GRK4: variants seen among roughly 807,000 people sequenced by gnomAD.
GRK4 encodes G protein-coupled receptor kinase 4, also known as G protein-coupled receptor kinase 2-like.
In GRK4, 73 loss-of-function variants were observed where a neutral mutation model predicts 77.9. The observed-to-expected ratio is 0.94, with a 90% CI of 0.78 to 1.14. GRK4 has a LOEUF of 1.14. Ranked by LOEUF, GRK4 falls within the 50% of genes most tolerant of loss-of-function variation. The pLI, the probability that GRK4 is intolerant of heterozygous loss-of-function variation, is 0.00. For missense variants in GRK4, 729 were observed against 700.2 expected (o/e 1.04, Z -0.46); for synonymous variants, 257 against 254.4 (o/e 1.01, Z -0.10).
chr4:3,037,044 G>GGGGT (rs1553904179), intron 13 of GRK4, among the ~76,000 whole-genome samples: 77 of 144,372 alleles, frequency 5.3e-4, no homozygotes, highest in Non-Finnish European at 7.2e-4. Context: ...CCTCAGGAGG[G>GGGGT]GTGTGTGTGT....
At chr4:3,035,099 G>T (rs1447849838) in intron 12 of GRK4, among the ~76,000 whole-genome samples, 1 of 152,078 alleles carries the variant, frequency 6.6e-6, no homozygotes, top group African/African-American at 2.4e-5. Flanking sequence ...CAAAAAATTA[G>T]CTGGGCACGG....
rs1735560076 is a variant in GRK4 at position 3,019,766 on chromosome 4, CG to C, written c.868del (p.Val290PhefsTer24). 6.2e-7 allele frequency: 1 copy of C among 1,613,966 alleles called. No homozygotes were observed. Among genetic ancestry groups the C allele is most frequent in the Non-Finnish European group, 8.5e-7 (1 of 1,180,022 alleles). On this transcript the variant is annotated frameshift_variant, in exon 9 of 16. Coordinates refer to ENST00000398052, the MANE Select transcript of GRK4 (RefSeq NM_182982.3). LOFTEE classifies it high-confidence loss of function. ...ATCCCGGCTTTGATGAGCAGAGAGC[CG>C]TTTTCTATGCTGCAGAGCTGTGTTG... ...GNPGFDEQRA[V>X]FYAAELCCGL... is the part of the protein sequence containing the mutation.
chr4:2,988,837 G>A lies in GRK4; in HGVS notation c.259G>A (p.Val87Met), dbSNP rs990679341. The part of the protein sequence containing the change: ...LKRHIEFLDA[V>M]AEYEVADDED... Reference sequence around the variant, plus strand: ...GAGGCACATTGAATTCTTGGATGCAGTGGTGAGCAGTTTATCTCCATATTG... The same window carrying A: ...GAGGCACATTGAATTCTTGGATGCAATGGTGAGCAGTTTATCTCCATATTG... Residue 87 changes from valine (V) to methionine (M), a missense_variant and splice_region_variant, in exon 3 of 16, where the codon GTG (valine) becomes ATG (methionine). By Grantham distance (21) the Val-to-Met change is conservative (BLOSUM62 1). Transcript: ENST00000398052. The A allele has an allele frequency of 4.5e-6, 7 of 1,569,512 alleles. No homozygotes were observed. Among genetic ancestry groups the A allele is most frequent in the Admixed American group, 1.7e-5 (1 of 59,958 alleles).
At chr4:2,973,499 G>A (rs1200259987) in intron 1 of GRK4, among the ~76,000 whole-genome samples, 1 of 152,130 alleles carries the variant, frequency 6.6e-6, no homozygotes, top group Non-Finnish European at 1.5e-5. Flanking sequence ...ACGAGAAAGA[G>A]CCTGTACCAG....
chr4:3,011,300 G>T (rs993477285), intron 7 of GRK4, among the ~76,000 whole-genome samples: 1 of 152,166 alleles, frequency 6.6e-6, no homozygotes, highest in African/African-American at 2.4e-5. Context: ...AAGACCTGGT[G>T]CTGGGCGCGG....
chr4:3,025,380 C>G lies in GRK4; in HGVS notation c.971-2532C>G, dbSNP rs377073064. The stretch of plus-strand genomic sequence containing the variant: ...TCTTAATTTTGCTTTCAATTTTTAG[C>G]GATCTAATTTTTTTTTTTTTTTTTT... On this transcript the variant is annotated intron_variant, in intron 10 of 15. Transcript: ENST00000398052. Among the ~76,000 whole-genome samples, 19 of 147,072 alleles carry G rather than the reference C, an allele frequency of 1.3e-4. 1 individual carries two copies. Among genetic ancestry groups the G allele is most frequent in the Admixed American group, 1.2e-3 (17 of 14,610 alleles).
At position 2,963,639 on chromosome 4, in the gene GRK4, G is replaced by A; in HGVS notation, c.-432G>A. On this transcript the variant is annotated 5_prime_UTR_variant, in exon 1 of 16. Transcript: ENST00000398052. ...TAAGCCGTTAGCGCCGAGCCCGCCC[G>A]GGAGCGGGTCGCCGGCCGCGGCGGG... 2.6e-6 allele frequency: 1 copy of A among 388,502 alleles called. No homozygotes were observed. Among genetic ancestry groups the A allele is most frequent in the Non-Finnish European group, 4.6e-6 (1 of 219,074 alleles). 24.1% of individuals were successfully genotyped at this position (388,502 alleles called of 1,614,324 possible). A position where few individuals can be genotyped will look rare whatever the true frequency, so the allele number is the denominator to read the frequency against.
chr4:3,040,117 A>C (rs919335468), intron 15 of GRK4, among the ~76,000 whole-genome samples: 8 of 152,098 alleles, frequency 5.3e-5, no homozygotes, highest in Non-Finnish European at 8.8e-5. Context: ...ATAAGGAGAA[A>C]ATTTTTCAGG....
rs758860503 is a variant in GRK4, at chr4:2,964,122, G to C, written c.52G>C (p.Gly18Arg). 8 of 1,601,818 alleles carry C rather than the reference G, an allele frequency of 5.0e-6. No homozygotes were observed. In the South Asian group the frequency reaches 7.8e-5, roughly 16 times the overall value. The change falls in exon 1 of 16, where the codon GGA becomes CGA. Residue 18 changes from glycine to arginine, a missense_variant and splice_region_variant. By Grantham distance (125) the Gly-to-Arg change is moderately radical. Coordinates refer to ENST00000398052, the MANE Select transcript of GRK4 (RefSeq NM_182982.3). The part of the protein sequence containing the change: ...ANSLLLKARQ[G>R]GYGKKSGRSK... ...CTCGCTGCTGCTGAAAGCGCGTCAA[G>C]GTGGGTGCGCGGCAGGCGCCCCCGA... is the stretch of plus-strand genomic sequence containing the variant.
chr4:3,040,660 GC>G lies in GRK4; in HGVS notation c.*37del. ...TGCGGACCACAGAGCAGACCCTGGC[GC>G]CAGGAAGGAGCATGTGTTAGCGTCT... On this transcript the variant is annotated 3_prime_UTR_variant, in exon 16 of 16. Coordinates refer to ENST00000398052, the MANE Select transcript of GRK4 (RefSeq NM_182982.3). 6.3e-7 allele frequency: 1 copy of G among 1,582,956 alleles called. No individual in the cohort carries two copies. The highest frequency in any genetic ancestry group is 1.3e-5 in the African/African-American group (1 of 74,508).
chr4:3,033,696 C>T (rs747995927), intron 12 of GRK4, among the ~76,000 whole-genome samples: 6 of 152,156 alleles, frequency 3.9e-5, no homozygotes, highest in Non-Finnish European at 8.8e-5. Context: ...AAGGGATTCT[C>T]CTGCCTCAGG....
At chr4:2,969,852 G>T (rs889101190) in intron 1 of GRK4, among the ~76,000 whole-genome samples, 12 of 151,956 alleles carry the variant, frequency 7.9e-5, no homozygotes, top group African/African-American at 2.2e-4. Flanking sequence ...TAATTTTGTG[G>T]TTTTTGTGGA....
intron 11 of GRK4, among the ~76,000 whole-genome samples, chr4:3,028,777 T>TA (rs1440293186): frequency 6.7e-6 from 1 of 149,624 alleles, no homozygotes; most frequent in Non-Finnish European, 1.5e-5. Flanking sequence ...TTTCACAACT[T>TA]TTTTTTTTTT....
At chr4:3,037,585 G>C in intron 14 of GRK4, 74 bp downstream of exon 14, 18 of 955,968 alleles carry the variant, frequency 1.9e-5, no homozygotes, top group Non-Finnish European at 2.6e-5. Flanking sequence ...GTGTGTGTCC[G>C]TGTGTGTGTG....
intron 1 of GRK4, among the ~76,000 whole-genome samples, chr4:2,976,486 A>G (rs149632765): frequency 1.4e-4 from 22 of 152,062 alleles, no homozygotes; most frequent in African/African-American, 5.1e-4. Flanking sequence ...TAGCATTGCA[A>G]ATAAAAGCCA....
rs1343472913 is a variant in GRK4 at position 3,004,240 on chromosome 4, C to T, written c.349C>T (p.Pro117Ser). 5 of 1,612,178 alleles carry T rather than the reference C, an allele frequency of 3.1e-6. No individual in the cohort carries two copies. The highest frequency in any genetic ancestry group is 2.2e-5 in the East Asian group (1 of 44,880). Reference sequence around the variant, plus strand: ...TTTGTACTGTATTAAGTTGGCAGCCCCTTTACCAGAAATACCTCCAGATGT... The same window carrying T: ...TTTGTACTGTATTAAGTTGGCAGCCTCTTTACCAGAAATACCTCCAGATGT... ...DRFFNDKLAA[P>S]LPEIPPDVVT... The change falls in exon 5 of 16, where the codon CCT becomes TCT. Residue 117 changes from proline (P) to serine (S), a missense_variant. Physicochemically the swap from Pro to Ser is moderately conservative, Grantham distance 74 (BLOSUM62 -1). Coordinates refer to ENST00000398052, the MANE Select transcript of GRK4 (RefSeq NM_182982.3).
intron 10 of GRK4, among the ~76,000 whole-genome samples, chr4:3,026,402 T>C (rs1737574720): frequency 6.6e-6 from 1 of 152,092 alleles, no homozygotes; most frequent in African/African-American, 2.4e-5. Flanking sequence ...AAAAAATAAG[T>C]CACAACATGT....
intron 8 of GRK4, among the ~76,000 whole-genome samples, chr4:3,015,141 C>T (rs144011607): frequency 2.0e-4 from 31 of 152,286 alleles, no homozygotes; most frequent in East Asian, 1.9e-3. Flanking sequence ...CCAGGCTTTA[C>T]GGTGTGCATT....
At chr4:2,997,095 G>A (rs2109743906) in intron 4 of GRK4, among the ~76,000 whole-genome samples, 1 of 152,272 alleles carries the variant, frequency 6.6e-6, no homozygotes, top group Middle Eastern at 3.4e-3. Context: ...AGTAAAGCAA[G>A]ACCGTGTGTT....
Sources: gnomAD v4.1 joint callset for allele counts (sites outside exome capture counted in the v4.1 genomes callset) on GRCh38, gnomAD v4.1.1 for gene constraint, MANE v1.5 for transcripts, NCBI Gene and HGNC (gene_info 2026-07-23, HGNC 2026-07-21) for gene names.